Variants in DOCK4 observed in about 807,000 individuals in gnomAD.
The protein encoded by DOCK4 is dedicator of cytokinesis 4.
A neutral mutation model predicts 268.1 loss-of-function variants in DOCK4; 97 were observed. The ratio of observed to expected loss-of-function variants is 0.36; its 90% CI spans 0.31 to 0.43. The LOEUF (loss-of-function observed/expected upper bound fraction) is 0.43, where lower values mean the gene tolerates loss of function less well. Ranked by LOEUF, DOCK4 falls within the 20% of genes least tolerant of loss-of-function variation. The pLI is 1.00. For synonymous variants in DOCK4, 954 were observed against 887.2 expected (o/e 1.08, Z -1.34); for missense variants, 2,145 against 2,455.7 (o/e 0.87, Z 2.67).
At chr7:111,985,382 T>G (rs1273341206) in intron 6 of DOCK4, among the ~76,000 whole-genome samples, 1 of 152,204 alleles carries the variant, frequency 6.6e-6, no homozygotes, top group African/African-American at 2.4e-5. Context: ...TCACTTGTTC[T>G]AAATCCTTTT....
In DOCK4 at chr7:111,977,148, CT is replaced by C; in HGVS notation, c.684del (p.Glu229ArgfsTer11). ...TGCAGGTACCTGATTGGCCGGTTCT[CT>C]TTACTGTCAAAGAGTGAGAAGATGA... ...LEVIFSLFDS[K>X]ENRPISERFF... On this transcript the variant is annotated frameshift_variant, in exon 8 of 53. Transcript: ENST00000428084. LOFTEE classifies it high-confidence loss of function. 6.2e-7 allele frequency: 1 copy of C among 1,613,250 alleles called. No homozygotes were observed. The highest frequency in any genetic ancestry group is 1.1e-5 in the South Asian group (1 of 90,808).
intron 36 of DOCK4, among the ~76,000 whole-genome samples, chr7:111,772,280 C>T (rs1034481633): frequency 6.6e-6 from 1 of 151,994 alleles, no homozygotes; most frequent in Non-Finnish European, 1.5e-5. Context: ...GGTGTGGTGG[C>T]ATACGCCTGT....
intron 2 of DOCK4, among the ~76,000 whole-genome samples, chr7:112,000,774 A>C (rs547036609): frequency 7.2e-4 from 109 of 152,352 alleles, no homozygotes; most frequent in African/African-American, 2.4e-3. Context: ...ACAGAAAAAT[A>C]CATAATGTGA....
At chr7:111,804,815 G>T (rs1051737338) in intron 30 of DOCK4, among the ~76,000 whole-genome samples, 2 of 151,994 alleles carry the variant, frequency 1.3e-5, no homozygotes, top group African/African-American at 4.8e-5. Context: ...TGCCAGGCTG[G>T]TCTCGAACTC....
intron 30 of DOCK4, among the ~76,000 whole-genome samples, chr7:111,791,179 G>A (rs1799517618): frequency 6.9e-6 from 1 of 144,576 alleles, no homozygotes; most frequent in African/African-American, 2.6e-5. Context: ...TTTAACATAA[G>A]GCTGAAGAAA....
intron 26 of DOCK4, among the ~76,000 whole-genome samples, chr7:111,823,450 C>A (rs1477586275): frequency 6.6e-6 from 1 of 152,068 alleles, no homozygotes; most frequent in East Asian, 1.9e-4. Context: ...TCAGGTGATC[C>A]GCCCACCTCG....
At chr7:111,853,108 C>A (rs1176806395) in intron 23 of DOCK4, among the ~76,000 whole-genome samples, 2 of 152,208 alleles carry the variant, frequency 1.3e-5, no homozygotes, top group East Asian at 1.9e-4. Context: ...GTAATCCCCA[C>A]TGGACACGGG....
rs190340819 is a variant in DOCK4, at chr7:111,854,449, G to A, written c.2474-7323C>T. ...CAAGAGGGACAGGAATTGCTCACTC[G>A]GGGAGCTCAGTTTTTGAGACGTGGG... On this transcript the variant is annotated intron_variant, in intron 23 of 52. Transcript: ENST00000428084. 2.0e-4 allele frequency among the ~76,000 whole-genome samples: 31 copies of A among 152,276 alleles called. No individual in the cohort carries two copies. In the East Asian group the frequency reaches 5.2e-3, roughly 26 times the overall value.
At chr7:111,911,207 T>C (rs1476907592) in intron 13 of DOCK4, among the ~76,000 whole-genome samples, 1 of 152,142 alleles carries the variant, frequency 6.6e-6, no homozygotes, top group East Asian at 1.9e-4. Flanking sequence ...AAAAAAAAAT[T>C]ATGCTTGCAG....
chr7:111,908,340 C>T (rs1039550580), intron 13 of DOCK4, among the ~76,000 whole-genome samples: 4 of 151,610 alleles, frequency 2.6e-5, no homozygotes, highest in South Asian at 2.1e-4. Context: ...CCCAGCTACT[C>T]GGGAAGCTGA....
intron 32 of DOCK4, among the ~76,000 whole-genome samples, chr7:111,786,131 T>C (rs1225444662): frequency 6.6e-6 from 1 of 152,252 alleles, no homozygotes; most frequent in Non-Finnish European, 1.5e-5. Flanking sequence ...GGTAATTAAA[T>C]GTGTGATCAC....
At chr7:112,101,325 C>G (rs575076874) in intron 1 of DOCK4, among the ~76,000 whole-genome samples, 1 of 152,334 alleles carries the variant, frequency 6.6e-6, no homozygotes, top group African/African-American at 2.4e-5. Flanking sequence ...TCTTTTGAAT[C>G]TAGACGATGG....
intron 27 of DOCK4, chr7:111,821,169 G>A (rs112228528): frequency 1.3e-5 from 2 of 152,264 alleles, no homozygotes; most frequent in African/African-American, 4.8e-5. Flanking sequence ...GTATACTGCA[G>A]CAGAAGCCAT....
intron 1 of DOCK4, among the ~76,000 whole-genome samples, chr7:112,004,742 G>T (rs1299063604): frequency 6.6e-6 from 1 of 152,118 alleles, no homozygotes; most frequent in Non-Finnish European, 1.5e-5. Context: ...TAATGACTGG[G>T]CCCTCCCGCA....
intron 1 of DOCK4, among the ~76,000 whole-genome samples, chr7:112,084,530 T>G (rs1808888711): frequency 6.6e-6 from 1 of 152,112 alleles, no homozygotes; most frequent in African/African-American, 2.4e-5. Context: ...TGCTGAACAG[T>G]TCTACCAGAC....
intron 30 of DOCK4, among the ~76,000 whole-genome samples, chr7:111,800,653 T>C (rs1800207081): frequency 6.6e-6 from 1 of 152,206 alleles, no homozygotes; most frequent in African/African-American, 2.4e-5. Flanking sequence ...ACTCTGTATT[T>C]TAAACTTTCT....
chr7:112,138,544 C>T (rs969252104), intron 1 of DOCK4, among the ~76,000 whole-genome samples: 1 of 152,118 alleles, frequency 6.6e-6, no homozygotes, highest in South Asian at 2.1e-4. Context: ...AGTATGAATA[C>T]CAAAATGACA....
chr7:111,862,673 G>T (rs1381070904), intron 23 of DOCK4, among the ~76,000 whole-genome samples: 1 of 151,544 alleles, frequency 6.6e-6, no homozygotes, highest in East Asian at 1.9e-4. Flanking sequence ...TTGTATTTTG[G>T]TAGAGATGGG....
Position 111,847,141 on chromosome 7 carries a change from G to A in DOCK4, c.2474-15C>T. The A allele has an allele frequency of 1.9e-6, 3 of 1,613,246 alleles. No homozygotes were observed. The highest frequency in any genetic ancestry group is 1.7e-5 in the Admixed American group (1 of 59,960). On this transcript the variant is annotated splice_polypyrimidine_tract_variant and intron_variant, in intron 23 of 52. Transcript: ENST00000428084. ...GTATCGGGAATCTGAAGAGAGAAGA[G>A]TCATTAGTGTCACATCTGTTGGAGT... is the stretch of plus-strand genomic sequence containing the variant.
Sources: allele counts gnomAD v4.1 joint callset (sites outside exome capture counted in the v4.1 genomes callset), GRCh38; gene constraint gnomAD v4.1.1; transcripts MANE v1.5; gene names NCBI Gene and HGNC (gene_info 2026-07-23, HGNC 2026-07-21).